Variants in WDR27 observed in about 807,000 individuals in gnomAD.
WDR27 encodes the protein WD repeat-containing protein 27.
WDR27 carries 100 observed loss-of-function variants against 114.4 expected under a neutral mutation model. The ratio of observed to expected loss-of-function variants is 0.87; its 90% confidence interval spans 0.74 to 1.03. WDR27 has a LOEUF of 1.03. WDR27 is among the 50% of genes least tolerant of loss of function. The pLI, the probability that WDR27 is intolerant of heterozygous loss-of-function variation, is 0.00. For synonymous variants in WDR27, 449 were observed against 423.1 expected (o/e 1.06, Z -0.75); for missense variants, 1,129 against 1,092.9 (o/e 1.03, Z -0.47).
chr6:169,693,735 A>C (rs984793177), intron 1 of WDR27, among the ~76,000 whole-genome samples: 1 of 152,204 alleles, frequency 6.6e-6, no homozygotes, highest in East Asian at 1.9e-4. Context: ...GTTTAAAAAA[A>C]AAAAGACAAA....
At chr6:169,565,503 G>A (rs559998406) in intron 25 of WDR27, among the ~76,000 whole-genome samples, 19 of 152,202 alleles carry the variant, frequency 1.2e-4, no homozygotes, top group Admixed American at 5.2e-4. Context: ...GTATTTCCCC[G>A]CTTGTCTTAC....
chr6:169,456,141 A>G (rs1784336934), downstream of WDR27, among the ~76,000 whole-genome samples: 1 of 152,186 alleles, frequency 6.6e-6, no homozygotes. The surrounding 1 kb of genome is among the most constrained non-coding windows in gnomAD (Gnocchi z 4.0). Context: ...CATTTTAACC[A>G]AGGGGAAACA....
At chr6:169,701,332 T>C (rs1298974532) in intron 1 of WDR27, among the ~76,000 whole-genome samples, 1 of 152,110 alleles carries the variant, frequency 6.6e-6, no homozygotes, top group South Asian at 2.1e-4. Flanking sequence ...TGGCTCGAGT[T>C]AGGAAAACCT....
intron 6 of WDR27, chr6:169,666,550 CG>C (rs1334689620): frequency 1.0e-6 from 1 of 985,398 alleles, no homozygotes; most frequent in Admixed American, 6.1e-5. Context: ...AGGGGCTGCA[CG>C]GGAGAGGTGC....
chr6:169,651,585 C>T (rs979556288), intron 14 of WDR27, among the ~76,000 whole-genome samples: 3 of 152,142 alleles, frequency 2.0e-5, no homozygotes, highest in African/African-American at 2.4e-5. Flanking sequence ...GCACCGTGTC[C>T]GGCCTTGATG....
chr6:169,685,290 A>C (rs1441902583), intron 2 of WDR27, among the ~76,000 whole-genome samples: 2 of 152,230 alleles, frequency 1.3e-5, no homozygotes, highest in Middle Eastern at 3.4e-3. Flanking sequence ...CCAAAAACAA[A>C]CAACAACAAC....
intron 2 of WDR27, among the ~76,000 whole-genome samples, chr6:169,680,424 T>C (rs967786219): frequency 3.3e-5 from 5 of 151,918 alleles, no homozygotes; most frequent in Non-Finnish European, 4.4e-5. Flanking sequence ...CTACTAAAAA[T>C]ACAAAAAATT....
At chr6:169,447,565 T>A in the WDR27 span, among the ~76,000 whole-genome samples, 2 of 152,228 alleles carry the variant, frequency 1.3e-5, no homozygotes, top group African/African-American at 4.8e-5. Context: ...ATAAGGAGAC[T>A]CTGTGATTAC....
chr6:169,553,806 T>C (rs1289129956), intron 25 of WDR27, among the ~76,000 whole-genome samples: 1 of 152,214 alleles, frequency 6.6e-6, no homozygotes. Flanking sequence ...CACATGTTCA[T>C]AATATATTGT....
intron 23 of WDR27, among the ~76,000 whole-genome samples, chr6:169,588,797 G>T (rs1411300551): frequency 1.3e-5 from 2 of 152,138 alleles, no homozygotes; most frequent in African/African-American, 4.8e-5. Flanking sequence ...TACACAGTGT[G>T]TCACTATTTA....
rs191083908 is a variant in WDR27, at chr6:169,464,903, A to T, written c.2646-7269T>A. Among the ~76,000 whole-genome samples the T allele has an allele frequency of 4.0e-4, 61 of 152,304 alleles. 1 individual carries two copies. The East Asian group carries it at 9.9e-3, about 25-fold the overall frequency. On this transcript the variant is annotated intron_variant, in intron 25 of 25. Transcript: ENST00000448612. ...TTTGGGAGGCCAAGGTGGGCAGATCACCTGAGGTCAGGAGTTCAAGACCAG... is the reference window on the plus strand; with the variant it reads ...TTTGGGAGGCCAAGGTGGGCAGATCTCCTGAGGTCAGGAGTTCAAGACCAG...
the WDR27 span, among the ~76,000 whole-genome samples, chr6:169,445,906 G>C: frequency 5.4e-3 from 817 of 152,340 alleles, 4 homozygotes; most frequent in Non-Finnish European, 6.3e-3. Context: ...TGGGTGGGGT[G>C]GGGGGAGGCA....
intron 19 of WDR27, among the ~76,000 whole-genome samples, chr6:169,635,961 G>T (rs1043438395): frequency 6.6e-5 from 10 of 152,192 alleles, no homozygotes; most frequent in Non-Finnish European, 1.2e-4. Context: ...GGAAAACAAA[G>T]ATAGTGAAAT....
intron 14 of WDR27, among the ~76,000 whole-genome samples, chr6:169,651,199 G>A (rs1281489353): frequency 7.5e-6 from 1 of 133,162 alleles, no homozygotes; most frequent in Admixed American, 7.5e-5. Context: ...GGGGGAGTGG[G>A]GGAGTGGGGG....
chr6:169,429,808 A>T, the WDR27 span, among the ~76,000 whole-genome samples: 1 of 152,102 alleles, frequency 6.6e-6, no homozygotes, highest in Non-Finnish European at 1.5e-5. Flanking sequence ...TCCAGGTAAC[A>T]CCGATGCTGC....
At chr6:169,501,251 C>G (rs1416429102) in intron 25 of WDR27, among the ~76,000 whole-genome samples, 3 of 152,196 alleles carry the variant, frequency 2.0e-5, no homozygotes, top group Non-Finnish European at 2.9e-5. Context: ...AGCAGAGTGG[C>G]CCGGCAGGGA....
At chr6:169,542,511 A>T (rs1045492895) in intron 25 of WDR27, among the ~76,000 whole-genome samples, 1 of 152,190 alleles carries the variant, frequency 6.6e-6, no homozygotes, top group African/African-American at 2.4e-5. Context: ...AATTTATTCC[A>T]AGAGACTAAG....
intron 25 of WDR27, among the ~76,000 whole-genome samples, chr6:169,567,871 G>C (rs3817861): frequency 0.58 from 88,065 of 152,062 alleles, 28,680 homozygotes; most frequent in Non-Finnish European, 0.72. Flanking sequence ...AGAGGAGTGA[G>C]AGCGGCGGTC....
chr6:169,484,906 G>A (rs2865090), intron 25 of WDR27, among the ~76,000 whole-genome samples: 149,936 of 152,294 alleles, frequency 0.98, 73,816 homozygotes, highest in East Asian at 1. Context: ...CCTGACAAAA[G>A]CAAGCAATGG....
Sources: gnomAD v4.1 joint callset for allele counts (sites outside exome capture counted in the v4.1 genomes callset) on GRCh38, gnomAD v4.1.1 for gene constraint, Gnocchi (gnomAD v3.1) non-coding constraint, MANE v1.5 for transcripts, NCBI Gene and HGNC (gene_info 2026-07-23, HGNC 2026-07-21) for gene names.